The following NAMPT variants were observed in gnomAD, a reference collection of about 807,000 sequenced individuals.
NAMPT encodes the protein NAmPRTase.
Under a neutral mutation model 58.7 loss-of-function variants are expected in NAMPT, and 7 were observed. That is an observed-to-expected ratio of 0.12 (90% CI 0.07 to 0.22). The LOEUF (loss-of-function observed/expected upper bound fraction) is 0.22, where lower values mean the gene tolerates loss of function less well. Among genes scored for constraint, NAMPT ranks in the 10% least tolerant of loss-of-function variants. The pLI is 1.00. For synonymous variants in NAMPT, 145 were observed against 198.1 expected (o/e 0.73, Z 2.25); for missense variants, 271 against 567.9 (o/e 0.48, Z 5.31).
Position 106,268,493 on chromosome 7 carries a change from T to A in NAMPT, c.714A>T (p.Pro238=). The A allele has an allele frequency of 6.2e-7, 1 of 1,613,756 alleles. No individual in the cohort carries two copies. The highest frequency in any genetic ancestry group is 8.5e-7 in the Non-Finnish European group (1 of 1,179,794). Residue 238 remains proline, a synonymous_variant, in exon 6 of 11, where the codon CCA becomes CCT. Transcript: ENST00000222553. ...GTTCTGCTGCTGGAACAGAATAGCC[T>A]GGAACAGGATCTTTCGTTCCATAAT... ...KKYYGTKDPV[P]GYSVPAAEHS...
intron 3 of NAMPT, among the ~76,000 whole-genome samples, chr7:106,274,334 A>G (rs1792592862): frequency 6.6e-6 from 1 of 151,996 alleles, no homozygotes; most frequent in African/African-American, 2.4e-5. Flanking sequence ...CAAAAATGTT[A>G]TTTAAGTTAT....
intron 6 of NAMPT, among the ~76,000 whole-genome samples, chr7:106,267,294 C>A (rs749682502): frequency 3.3e-5 from 5 of 152,128 alleles, no homozygotes; most frequent in Non-Finnish European, 7.4e-5. Flanking sequence ...TTATTTTCAT[C>A]CTGAGAATAG....
intron 7 of NAMPT, among the ~76,000 whole-genome samples, chr7:106,262,211 T>C (rs1335716478): frequency 6.6e-6 from 1 of 152,148 alleles, no homozygotes; most frequent in Non-Finnish European, 1.5e-5. Flanking sequence ...CCATAGTCTC[T>C]AAGTTCTCCT....
At chr7:106,255,292 C>G (rs192860043) in intron 8 of NAMPT, among the ~76,000 whole-genome samples, 106 of 152,296 alleles carry the variant, frequency 7.0e-4, no homozygotes, top group African/African-American at 2.4e-3. Context: ...TTAATATATT[C>G]AATCACTTTG....
chr7:106,272,248 C>T (rs1792549834), intron 4 of NAMPT: 1 of 280,246 alleles, frequency 3.6e-6, no homozygotes, highest in East Asian at 1.0e-4. Context: ...AAATAATACA[C>T]ACTTAAAATG....
intron 8 of NAMPT, among the ~76,000 whole-genome samples, chr7:106,255,023 A>G (rs1055558930): frequency 6.6e-6 from 1 of 152,140 alleles, no homozygotes; most frequent in African/African-American, 2.4e-5. Flanking sequence ...CTCCTATATA[A>G]CAGTTGGTAT....
rs1017808940 is a variant in NAMPT at position 106,272,775 on chromosome 7, A to G, written c.319-117T>C. On this transcript the variant is annotated intron_variant, in intron 3 of 10. Transcript: ENST00000222553. ...TAAATTTACTGTCATAGAAATTGCA[A>G]TTGTAGATGTTACTGTAATCTAGTC... The G allele has an allele frequency of 4.7e-6, 5 of 1,059,290 alleles. No individual in the cohort carries two copies. In the Admixed American group the frequency reaches 9.1e-5, roughly 19 times the overall value. 65.6% of individuals were successfully genotyped at this position (1,059,290 alleles called of 1,614,324 possible). A position where few individuals can be genotyped will look rare whatever the true frequency, so the allele number is the denominator to read the frequency against.
At chr7:106,259,404 C>T (rs1418041506) in intron 8 of NAMPT, among the ~76,000 whole-genome samples, 3 of 152,130 alleles carry the variant, frequency 2.0e-5, no homozygotes, top group African/African-American at 7.2e-5. Flanking sequence ...AATGGTGAAC[C>T]CTTTCAGCTA....
At chr7:106,285,284 CG>C, upstream of NAMPT, 1 of 717,476 alleles carries the variant, frequency 1.4e-6, no homozygotes. Flanking sequence ...CTGGAGGCAG[CG>C]GGGCAGCCCC....
At chr7:106,284,746 C>T in intron 1 of NAMPT, 82 bp downstream of exon 1, 1 of 1,146,668 alleles carries the variant, frequency 8.7e-7, no homozygotes, top group Non-Finnish European at 1.2e-6. Flanking sequence ...CAACCCCAGC[C>T]CCAGCCGCCC....
chr7:106,274,815 A>T, intron 3 of NAMPT, 131 bp downstream of exon 3: 1 of 604,396 alleles, frequency 1.7e-6, no homozygotes, highest in Non-Finnish European at 2.9e-6. Context: ...AGATTGTGCC[A>T]CTGCACTCCA....
chr7:106,284,362 G>A (rs1363967631), intron 1 of NAMPT: 1 of 102,528 alleles, frequency 9.8e-6, no homozygotes, highest in African/African-American at 4.0e-5. Flanking sequence ...CCAGCCAGGG[G>A]CGAGCGCGCC....
chr7:106,272,860 T>C (rs1211235445), intron 3 of NAMPT, among the ~76,000 whole-genome samples: 2 of 152,234 alleles, frequency 1.3e-5, no homozygotes, highest in Non-Finnish European at 2.9e-5. Context: ...CGTACTGATA[T>C]TAATTTTTAA....
chr7:106,260,679 G>C (rs954365763), intron 8 of NAMPT, among the ~76,000 whole-genome samples: 1 of 152,168 alleles, frequency 6.6e-6, no homozygotes, highest in African/African-American at 2.4e-5. Flanking sequence ...AAATGAGAGG[G>C]ATGTGACTTT....
intron 8 of NAMPT, among the ~76,000 whole-genome samples, chr7:106,257,273 G>A (rs1792218473): frequency 6.6e-6 from 1 of 151,902 alleles, no homozygotes; most frequent in Non-Finnish European, 1.5e-5. Context: ...CAATATTCTT[G>A]TTTATGTAGT....
At chr7:106,260,127 A>G (rs980662396) in intron 8 of NAMPT, among the ~76,000 whole-genome samples, 2 of 152,174 alleles carry the variant, frequency 1.3e-5, no homozygotes, top group African/African-American at 4.8e-5. Flanking sequence ...TTCAAAGCAG[A>G]TGTTGTCTTC....
rs1339054948 is a variant in NAMPT at position 106,271,511 on chromosome 7, TAATC to T, written c.447+1015_447+1018del. ...ATTTTTTGGGTACATAGCTGGTACT[TAATC>T]AATATGTTATTTCAGTCCTAAATAT... On this transcript the variant is annotated intron_variant, in intron 4 of 10. Transcript: ENST00000222553. Among the ~76,000 whole-genome samples, 14 of 152,332 alleles carry T rather than the reference TAATC, an allele frequency of 9.2e-5. 1 individual carries two copies. The highest frequency in any genetic ancestry group is 4.1e-4 in the South Asian group (2 of 4,832).
At chr7:106,271,105 G>T (rs965605302) in intron 4 of NAMPT, among the ~76,000 whole-genome samples, 1 of 151,404 alleles carries the variant, frequency 6.6e-6, no homozygotes. Context: ...TTTTTTTCCA[G>T]GTTGCATCTT....
At chr7:106,259,565 C>T (rs1191707387) in intron 8 of NAMPT, among the ~76,000 whole-genome samples, 1 of 152,138 alleles carries the variant, frequency 6.6e-6, no homozygotes, top group East Asian at 1.9e-4. Context: ...GCTGGGACTA[C>T]AGGCATGCAT....
Sources: allele counts gnomAD v4.1 joint callset (sites outside exome capture counted in the v4.1 genomes callset), GRCh38; gene constraint gnomAD v4.1.1; transcripts MANE v1.5; gene names NCBI Gene and HGNC (gene_info 2026-07-23, HGNC 2026-07-21).